The following SBK1 variants were observed in gnomAD, a reference collection of about 807,000 sequenced individuals.
SBK1 encodes the protein serine/threonine-protein kinase SBK1.
In SBK1, 11 loss-of-function variants were observed where a neutral mutation model predicts 24.4. That is an observed-to-expected ratio of 0.45 (90% CI 0.28 to 0.75). SBK1 has a LOEUF of 0.75. Ranked by LOEUF, SBK1 falls within the 30% of genes least tolerant of loss-of-function variation. The pLI is 0.12. For missense variants in SBK1, 467 were observed against 620.5 expected (o/e 0.75, Z 2.63); for synonymous variants, 308 against 284.4 (o/e 1.08, Z -0.83).
Position 28,322,919 on chromosome 16 carries a change from GCTCTCTCTCTCCCTCTCTCT to G in SBK1, c.*2010_*2029del, listed in dbSNP as rs1463701018. The G allele has an allele frequency of 0.05, 2,882 of 58,098 alleles. 145 individuals are homozygous for G. Among genetic ancestry groups the G allele is most frequent in the African/African-American group, 0.089 (1,750 of 19,756 alleles). 3.6% of individuals were successfully genotyped at this position (58,098 alleles called of 1,614,324 possible). A position where few individuals can be genotyped will look rare whatever the true frequency, so the allele number is the denominator to read the frequency against. On this transcript the variant is annotated 3_prime_UTR_variant, in exon 4 of 4. Transcript: ENST00000341901. ...CGTGCTCGCTCTCTCTCTCGCGCGCGCTCTCTCTCTCCCTCTCTCTCTCTCTCTCTCTCTCTCTCTCTCTC... is the reference window on the plus strand; with the variant it reads ...CGTGCTCGCTCTCTCTCTCGCGCGCGCTCTCTCTCTCTCTCTCTCTCTCTC...
chr16:28,293,535 G>A (rs1050078372), intron 1 of SBK1, among the ~76,000 whole-genome samples: 12 of 152,124 alleles, frequency 7.9e-5, no homozygotes, highest in Admixed American at 3.9e-4. Context: ...CGGCCCCACG[G>A]AGGAGTGGTG....
At chr16:28,280,115 C>CTATATATATATATATATATA in intron 1 of SBK1, among the ~76,000 whole-genome samples, 1 of 29,464 alleles carries the variant, frequency 3.4e-5, no homozygotes, top group South Asian at 2.1e-3. Flanking sequence ...TTGAAAAAAA[C>CTATATATATATATATATATA]TATATATATA....
chr16:28,301,573 G>A (rs2044679059), intron 1 of SBK1, among the ~76,000 whole-genome samples: 1 of 152,230 alleles, frequency 6.6e-6, no homozygotes, highest in Non-Finnish European at 1.5e-5. Context: ...TCCTCATGTG[G>A]GAAGTGGAGG....
intron 1 of SBK1, among the ~76,000 whole-genome samples, chr16:28,276,306 C>T (rs138970748): frequency 2.0e-5 from 3 of 152,052 alleles, no homozygotes; most frequent in South Asian, 2.1e-4. Context: ...GACTCACAGG[C>T]GAATTACAGT....
chr16:28,316,191 G>A (rs1053691572), intron 1 of SBK1, among the ~76,000 whole-genome samples: 2 of 152,186 alleles, frequency 1.3e-5, no homozygotes, highest in East Asian at 1.9e-4. Context: ...ATGGTGGGAT[G>A]GTGTGGCCAC....
upstream of SBK1, chr16:28,292,053 T>C (rs2044602358): frequency 6.6e-6 from 1 of 151,992 alleles, no homozygotes; most frequent in Admixed American, 6.6e-5. Flanking sequence ...ATGAATGAAA[T>C]GCATATCCGA....
chr16:28,299,493 G>T (rs1318879704), intron 1 of SBK1, among the ~76,000 whole-genome samples: 1 of 152,148 alleles, frequency 6.6e-6, no homozygotes, highest in Non-Finnish European at 1.5e-5. Flanking sequence ...GGACCTGATG[G>T]GACCTCGCCT....
At position 28,319,559 on chromosome 16, in the gene SBK1, A is replaced by C. The variant is rs2044823158; in HGVS notation, c.429+362A>C. On this transcript the variant is annotated intron_variant, in intron 3 of 3. Transcript: ENST00000341901. The surrounding 1 kb of genome is among the most constrained non-coding windows in gnomAD (Gnocchi z 4.0). The stretch of plus-strand genomic sequence containing the variant: ...GACCCTGGAACCGGGACGGTGGGGG[A>C]GGGTTCCAGGCACTAGCTTTAAATC... Among the ~76,000 whole-genome samples the C allele has an allele frequency of 6.6e-6, 1 of 151,964 alleles. No homozygotes were observed. The highest frequency in any genetic ancestry group is 1.5e-5 in the Non-Finnish European group (1 of 67,974).
chr16:28,268,624 AT>A (rs2044444532), intron 1 of SBK1, among the ~76,000 whole-genome samples: 1 of 151,832 alleles, frequency 6.6e-6, no homozygotes, highest in Non-Finnish European at 1.5e-5. Context: ...TTAATCAGGC[AT>A]GGTGGCACGT....
In SBK1 at chr16:28,320,332, C is replaced by T. The variant is rs1487061693; in HGVS notation, c.686C>T (p.Ala229Val). 6.3e-7 allele frequency: 1 copy of T among 1,592,188 alleles called. No individual in the cohort carries two copies. The highest frequency in any genetic ancestry group is 1.3e-5 in the African/African-American group (1 of 74,558). Reference sequence around the variant, plus strand: ...CAGGCGGGCCGCGCCGACGGGCTGGCGGTGGACACGGGCGTGGACGTGTGG... The same window carrying T: ...CAGGCGGGCCGCGCCGACGGGCTGGTGGTGGACACGGGCGTGGACGTGTGG... ...VCQAGRADGL[A>V]VDTGVDVWAF... The change falls in exon 4 of 4, where the codon GCG becomes GTG. Residue 229 changes from alanine (A) to valine (V), a missense_variant. Ala to Val is a moderately conservative substitution (Grantham distance 64). Coordinates refer to ENST00000341901, the MANE Select transcript of SBK1 (RefSeq NM_001024401.3). This position sits in a 1 kb window ranked among gnomAD's most constrained non-coding sequence, Gnocchi z 8.5.
chr16:28,274,609 G>C (rs1187802466), intron 1 of SBK1, among the ~76,000 whole-genome samples: 2 of 152,118 alleles, frequency 1.3e-5, no homozygotes, highest in Non-Finnish European at 2.9e-5. Flanking sequence ...CCGAGATCGA[G>C]CCACTGCACT....
chr16:28,284,524 T>A (rs1215673607), intron 1 of SBK1, among the ~76,000 whole-genome samples: 3 of 152,224 alleles, frequency 2.0e-5, no homozygotes, highest in Non-Finnish European at 2.9e-5. Flanking sequence ...CCCAGAGCCA[T>A]CGTGAGCAGG....
Position 28,292,828 on chromosome 16 carries a change from C to T in SBK1, c.-480C>T. The stretch of plus-strand genomic sequence containing the variant: ...TCCCGGATCCGACACCGAGCGACTC[C>T]CCTGCGGGGAAAGCGGAGACTTCCT... On this transcript the variant is annotated 5_prime_UTR_variant, in exon 1 of 4. Coordinates refer to ENST00000341901, the MANE Select transcript of SBK1 (RefSeq NM_001024401.3). 1 of 985,378 alleles carries T rather than the reference C, an allele frequency of 1.0e-6. No individual in the cohort carries two copies. The highest frequency in any genetic ancestry group is 1.2e-6 in the Non-Finnish European group (1 of 829,816). 61.0% of individuals were successfully genotyped at this position (985,378 alleles called of 1,614,324 possible). A position where few individuals can be genotyped will look rare whatever the true frequency, so the allele number is the denominator to read the frequency against.
Position 28,319,468 on chromosome 16 carries a change from C to T in SBK1, c.429+271C>T, listed in dbSNP as rs2044822133. On this transcript the variant is annotated intron_variant, in intron 3 of 3. Transcript: ENST00000341901. This position sits in a 1 kb window ranked among gnomAD's most constrained non-coding sequence, Gnocchi z 4.0. Reference sequence around the variant, plus strand: ...GAATGATGGGATGAAGTCACTGGGCCCTCCCCTGGGGCTACACAAGAGGAG... The same window carrying T: ...GAATGATGGGATGAAGTCACTGGGCTCTCCCCTGGGGCTACACAAGAGGAG... 6.6e-6 allele frequency among the ~76,000 whole-genome samples: 1 copy of T among 152,104 alleles called. No homozygotes were observed. The highest frequency in any genetic ancestry group is 2.4e-5 in the African/African-American group (1 of 41,390).
chr16:28,300,418 C>T (rs1412180835), intron 1 of SBK1, among the ~76,000 whole-genome samples: 1 of 152,082 alleles, frequency 6.6e-6, no homozygotes, highest in Admixed American at 6.6e-5. Context: ...CTTCCAGGCT[C>T]AAGTGATCCT....
At chr16:28,307,727 G>C (rs1321882040) in intron 1 of SBK1, among the ~76,000 whole-genome samples, 2 of 135,232 alleles carry the variant, frequency 1.5e-5, no homozygotes, top group African/African-American at 5.8e-5. Context: ...GCAACAGAGT[G>C]AGACTCAGTC....
intron 1 of SBK1, among the ~76,000 whole-genome samples, chr16:28,270,556 C>G (rs62031377): frequency 0.014 from 2,132 of 151,756 alleles, 39 homozygotes; most frequent in Middle Eastern, 0.059. Context: ...CTCCTGGGTA[C>G]CTGGGACCAC....
At chr16:28,278,860 C>T (rs969042755) in intron 1 of SBK1, among the ~76,000 whole-genome samples, 24 of 152,346 alleles carry the variant, frequency 1.6e-4, no homozygotes, top group Middle Eastern at 6.8e-3. Flanking sequence ...TGTACAGCGA[C>T]GTGGTCCAGG....
chr16:28,259,416 C>T lies in SBK1; in HGVS notation c.171C>T (p.Cys57=), dbSNP rs1023723653. 4.2e-5 allele frequency: 41 copies of T among 985,208 alleles called. No individual in the cohort carries two copies. In the East Asian group the frequency reaches 9.1e-4, roughly 22 times the overall value. 61.0% of individuals were successfully genotyped at this position (985,208 alleles called of 1,614,324 possible). The stretch of plus-strand genomic sequence containing the variant: ...TGCCTCCGGCCTGGCCCATGGGCTG[C>T]GGAGTCGATGATGTGCCGGCCTTCT... The change falls in exon 1 of 4, where the codon TGC becomes TGT. Residue 57 remains cysteine, a synonymous_variant. Coordinates refer to the SBK1 transcript ENST00000671413. The surrounding 1 kb of genome is among the most constrained non-coding windows in gnomAD (Gnocchi z 6.0).
Sources: allele counts gnomAD v4.1 joint callset (sites outside exome capture counted in the v4.1 genomes callset), GRCh38; gene constraint gnomAD v4.1.1; non-coding constraint Gnocchi (gnomAD v3.1); transcripts MANE v1.5; gene names NCBI Gene and HGNC (gene_info 2026-07-23, HGNC 2026-07-21).